CCDC85C: variants seen among roughly 807,000 people sequenced by gnomAD.
The protein encoded by CCDC85C is coiled-coil domain containing 85C, also known as coiled-coil domain-containing protein 85C.
CCDC85C carries 18 observed loss-of-function variants against 38.3 expected under a neutral mutation model. The ratio of observed to expected loss-of-function variants is 0.47; its 90% confidence interval spans 0.33 to 0.70. The LOEUF (loss-of-function observed/expected upper bound fraction) is 0.70. Among genes scored for constraint, CCDC85C ranks in the 30% least tolerant of loss-of-function variants. The pLI is 0.03. For synonymous variants in CCDC85C, 264 were observed against 293.8 expected, an observed-to-expected ratio of 0.90 and a Z score of 1.04; for missense variants, 566 against 621.2, an observed-to-expected ratio of 0.91 and a Z score of 0.94.
In CCDC85C at chr14:99,507,378, G is replaced by T. The variant is rs1897001861; in HGVS notation, c.*7868C>A. ...AATCACCTGACCCCAGGAGTTCGAG[G>T]TCAGCCTGGGCAACAAAGTGAGACC... On this transcript the variant is annotated 3_prime_UTR_variant, in exon 6 of 6. Transcript: ENST00000380243. The T allele has an allele frequency of 3.8e-6, 2 of 521,176 alleles. No homozygotes were observed. Among genetic ancestry groups the T allele is most frequent in the Non-Finnish European group, 7.0e-6 (2 of 286,732 alleles). 32.3% of individuals were successfully genotyped at this position (521,176 alleles called of 1,614,324 possible).
At chr14:99,526,801 C>T (rs1344647559) in intron 2 of CCDC85C, among the ~76,000 whole-genome samples, 1 of 152,184 alleles carries the variant, frequency 6.6e-6, no homozygotes, top group Admixed American at 6.5e-5. Flanking sequence ...GAAGACAGTG[C>T]ACCCTCAGCT....
rs1178273873 is a variant in CCDC85C at position 99,603,198 on chromosome 14, C to T, written c.762G>A (p.Pro254=). The T allele has an allele frequency of 1.4e-6, 2 of 1,422,672 alleles. No individual in the cohort carries two copies. The highest frequency in any genetic ancestry group is 1.8e-6 in the Non-Finnish European group (2 of 1,090,836). 88.1% of individuals were successfully genotyped at this position (1,422,672 alleles called of 1,614,324 possible). Residue 254 remains proline, a synonymous_variant, in exon 1 of 6, where the codon CCG becomes CCA. Coordinates refer to ENST00000380243, the MANE Select transcript of CCDC85C (RefSeq NM_001144995.2). The surrounding 1 kb of genome is among the most constrained non-coding windows in gnomAD (Gnocchi z 7.5). The stretch of plus-strand genomic sequence containing the variant: ...GGCCGTTGGGGATGCTGCGGTGGTG[C>T]GGCGGCGCCGACAAGTCGTCCAGGG... ...RRSLDDLSAP[P]HHRSIPNGLH... is the part of the protein sequence containing the mutation.
At chr14:99,587,130 C>T (rs1208626769) in intron 1 of CCDC85C, among the ~76,000 whole-genome samples, 1 of 152,206 alleles carries the variant, frequency 6.6e-6, no homozygotes, top group Non-Finnish European at 1.5e-5. Flanking sequence ...AGATTCCTCC[C>T]TAGGCCTGCC....
chr14:99,519,790 G>T (rs1469636390), intron 3 of CCDC85C, among the ~76,000 whole-genome samples: 1 of 152,238 alleles, frequency 6.6e-6, no homozygotes, highest in African/African-American at 2.4e-5. Context: ...AGTGAAAGAA[G>T]CCTGACACAA....
At position 99,503,800 on chromosome 14, in the gene CCDC85C, A is replaced by G. The variant is rs1454436401; in HGVS notation, c.*11446T>C. On this transcript the variant is annotated 3_prime_UTR_variant, in exon 6 of 6. Coordinates refer to ENST00000380243, the MANE Select transcript of CCDC85C (RefSeq NM_001144995.2). ...TTCCATCAGCATTGTCTTTCTGTTC[A>G]TCACCTGATCATAGATTCTAAAATT... The G allele has an allele frequency of 4.8e-6, 3 of 624,278 alleles. No homozygotes were observed. The highest frequency in any genetic ancestry group is 4.3e-4 in the Middle Eastern group (1 of 2,322). The allele number at this position is 624,278 out of a possible 1,614,324, so 38.7% of individuals were successfully genotyped here.
intron 1 of CCDC85C, among the ~76,000 whole-genome samples, chr14:99,587,834 G>A (rs2055043634): frequency 2.6e-5 from 4 of 152,170 alleles, no homozygotes; most frequent in Admixed American, 2.6e-4. Context: ...GAGTAAGATG[G>A]TGCAGCAGGC....
At chr14:99,523,984 C>A (rs1469070504) in intron 2 of CCDC85C, among the ~76,000 whole-genome samples, 10 of 148,142 alleles carry the variant, frequency 6.8e-5, no homozygotes, top group Admixed American at 6.0e-4. Context: ...CCCCTAGGCC[C>A]AGCACTCACC....
intron 1 of CCDC85C, among the ~76,000 whole-genome samples, chr14:99,555,678 G>A (rs1162954031): frequency 7.2e-5 from 11 of 152,336 alleles, no homozygotes; most frequent in Middle Eastern, 3.4e-3. Flanking sequence ...GTGGAAGGAC[G>A]GGAGAAGTTA....
intron 2 of CCDC85C, among the ~76,000 whole-genome samples, chr14:99,524,286 C>G (rs1897343104): frequency 6.6e-6 from 1 of 152,068 alleles, no homozygotes; most frequent in South Asian, 2.1e-4. Context: ...AACAGCTGCC[C>G]TCCCCTTCAG....
rs142856616 is a variant in CCDC85C at position 99,548,990 on chromosome 14, G to C, written c.794-12902C>G. Reference sequence around the variant, plus strand: ...CAGGAGAAATTTTTAAAAACTGCACGAGAATGCTGAGCTCCGATTCTGGGC... The same window carrying C: ...CAGGAGAAATTTTTAAAAACTGCACCAGAATGCTGAGCTCCGATTCTGGGC... On this transcript the variant is annotated intron_variant, in intron 1 of 5. Transcript: ENST00000380243. The surrounding 1 kb of genome is among the most constrained non-coding windows in gnomAD (Gnocchi z 4.9). Among the ~76,000 whole-genome samples, 1 of 152,136 alleles carries C rather than the reference G, an allele frequency of 6.6e-6. No individual in the cohort carries two copies. The highest frequency in any genetic ancestry group is 1.5e-5 in the Non-Finnish European group (1 of 68,026).
At chr14:99,561,457 C>A (rs545460499) in intron 1 of CCDC85C, among the ~76,000 whole-genome samples, 1 of 152,308 alleles carries the variant, frequency 6.6e-6, no homozygotes, top group Non-Finnish European at 1.5e-5. Context: ...GGCAGCAGAG[C>A]GCTCTGCTGG....
chr14:99,580,298 A>T lies in CCDC85C; in HGVS notation c.793+22869T>A, dbSNP rs565999654. ...TAGTGCTGTCCTAAGAGCTCAAGGCAGAGACTGCCATTAACACAGCCCAGC... is the reference window on the plus strand; with the variant it reads ...TAGTGCTGTCCTAAGAGCTCAAGGCTGAGACTGCCATTAACACAGCCCAGC... On this transcript the variant is annotated intron_variant, in intron 1 of 5. Coordinates refer to ENST00000380243, the MANE Select transcript of CCDC85C (RefSeq NM_001144995.2). Among the ~76,000 whole-genome samples the T allele has an allele frequency of 9.9e-5, 15 of 151,888 alleles. 1 individual carries two copies. The South Asian group carries it at 2.1e-3, about 21-fold the overall frequency.
intron 1 of CCDC85C, among the ~76,000 whole-genome samples, chr14:99,601,000 G>A (rs1056757527): frequency 3.9e-5 from 6 of 152,128 alleles, no homozygotes; most frequent in Non-Finnish European, 2.9e-5. Context: ...ACTCTAGCCT[G>A]GGTGACAGAG....
At position 99,509,536 on chromosome 14, in the gene CCDC85C, AC is replaced by A. The variant is rs1317329413; in HGVS notation, c.*5709del. ...CACGCAGCACGCACAGACATGCAGC[AC>A]GCACGCAGCACGCACACGCACACAC... is the stretch of plus-strand genomic sequence containing the variant. On this transcript the variant is annotated 3_prime_UTR_variant, in exon 6 of 6. Coordinates refer to ENST00000380243, the MANE Select transcript of CCDC85C (RefSeq NM_001144995.2). 1.3e-5 allele frequency: 2 copies of A among 152,704 alleles called. No homozygotes were observed. Among genetic ancestry groups the A allele is most frequent in the Non-Finnish European group, 2.9e-5 (2 of 69,390 alleles). The allele number at this position is 152,704 out of a possible 1,614,324, so 9.5% of individuals were successfully genotyped here.
rs377647054 is a variant in CCDC85C at position 99,503,003 on chromosome 14, G to A, written c.*12243C>T. 1.2e-6 allele frequency: 2 copies of A among 1,613,808 alleles called. No individual in the cohort carries two copies. Among genetic ancestry groups the A allele is most frequent in the Admixed American group, 1.7e-5 (1 of 60,018 alleles). On this transcript the variant is annotated 3_prime_UTR_variant, in exon 6 of 6. Coordinates refer to ENST00000380243, the MANE Select transcript of CCDC85C (RefSeq NM_001144995.2). ...AGCCGTGGTGAGTGGGCTAAAGCAG[G>A]CCCTGGGTAGAGCAGGCTTTCCAGG... is the stretch of plus-strand genomic sequence containing the variant.
chr14:99,549,082 G>A (rs1221885210), intron 1 of CCDC85C, among the ~76,000 whole-genome samples: 2 of 152,190 alleles, frequency 1.3e-5, no homozygotes, highest in Non-Finnish European at 2.9e-5. Flanking sequence ...CGCTCCACCT[G>A]CCAAGCTTGA....
In CCDC85C at chr14:99,595,976, C is replaced by A. The variant is rs878916017; in HGVS notation, c.793+7191G>T. ...GTGCCAAGGCTGGGAGTCAAGAGGA[C>A]CAGAGTCCCAGGCTCATAAACTCCC... On this transcript the variant is annotated intron_variant, in intron 1 of 5. Transcript: ENST00000380243. Among the ~76,000 whole-genome samples the A allele has an allele frequency of 2.6e-5, 4 of 152,234 alleles. No homozygotes were observed. The South Asian group carries it at 8.3e-4, about 31-fold the overall frequency.
Position 99,500,288 on chromosome 14 carries a change from A to G in CCDC85C, c.*14958T>C, listed in dbSNP as rs1896791945. ...ATACACTATATGTGTACATGAGTATATATACACACACATACACACACACTG... is the reference window on the plus strand; with the variant it reads ...ATACACTATATGTGTACATGAGTATGTATACACACACATACACACACACTG... On this transcript the variant is annotated 3_prime_UTR_variant, in exon 6 of 6. Transcript: ENST00000380243. The G allele has an allele frequency of 6.0e-6, 1 of 167,224 alleles. No individual in the cohort carries two copies. Among genetic ancestry groups the G allele is most frequent in the Non-Finnish European group, 1.3e-5 (1 of 77,690 alleles). 10.4% of individuals were successfully genotyped at this position (167,224 alleles called of 1,614,324 possible). A position where few individuals can be genotyped will look rare whatever the true frequency, so the allele number is the denominator to read the frequency against.
chr14:99,593,566 C>T (rs1335520274), intron 1 of CCDC85C, among the ~76,000 whole-genome samples: 2 of 152,344 alleles, frequency 1.3e-5, no homozygotes, highest in South Asian at 2.1e-4. Context: ...TCCACAGCCT[C>T]GCCAAAGCCA....
Sources: allele counts gnomAD v4.1 joint callset (sites outside exome capture counted in the v4.1 genomes callset), GRCh38; gene constraint gnomAD v4.1.1; non-coding constraint Gnocchi (gnomAD v3.1); transcripts MANE v1.5; gene names NCBI Gene and HGNC (gene_info 2026-07-23, HGNC 2026-07-21).